Variants in LEPROTL1 observed in about 807,000 individuals in gnomAD.
LEPROTL1 encodes the protein leptin receptor overlapping transcript like 1.
LEPROTL1 carries 6 observed loss-of-function variants against 15.4 expected under a neutral mutation model. That is an observed-to-expected ratio of 0.39 (90% CI 0.21 to 0.77). The LOEUF (loss-of-function observed/expected upper bound fraction) is 0.77. Ranked by LOEUF, LEPROTL1 falls within the 30% of genes least tolerant of loss-of-function variation. The probability of loss-of-function intolerance (pLI) is 0.41; values close to 1 mark genes in which losing one functional copy is unlikely to be tolerated. For missense variants in LEPROTL1, 128 were observed against 158.1 expected (o/e 0.81, Z 1.02); for synonymous variants, 56 against 52.6 (o/e 1.06, Z -0.28).
At chr8:30,103,637 G>A (rs1802506971) in intron 2 of LEPROTL1, among the ~76,000 whole-genome samples, 1 of 151,754 alleles carries the variant, frequency 6.6e-6, no homozygotes, top group African/African-American at 2.4e-5. Context: ...GCTAGTCACG[G>A]GGGCTGAGGC....
At chr8:30,100,922 A>G (rs1015559602) in intron 1 of LEPROTL1, among the ~76,000 whole-genome samples, 51 of 152,066 alleles carry the variant, frequency 3.4e-4, no homozygotes, top group African/African-American at 1.1e-3. Flanking sequence ...GAATGCATCT[A>G]TTGCTTATAA....
At chr8:30,119,284 A>C (rs1226599737) in intron 3 of LEPROTL1, among the ~76,000 whole-genome samples, 2 of 152,188 alleles carry the variant, frequency 1.3e-5, no homozygotes, top group Non-Finnish European at 2.9e-5. Flanking sequence ...ACAGCATCTC[A>C]GGGCAAAGCA....
At chr8:30,103,887 T>A (rs1479146788) in intron 2 of LEPROTL1, among the ~76,000 whole-genome samples, 2 of 152,184 alleles carry the variant, frequency 1.3e-5, no homozygotes, top group Non-Finnish European at 2.9e-5. Flanking sequence ...TTGAAACAAT[T>A]TTAGATTCTG....
chr8:30,122,180 A>T (rs1456215211), intron 3 of LEPROTL1, among the ~76,000 whole-genome samples: 1 of 150,764 alleles, frequency 6.6e-6, no homozygotes, highest in Non-Finnish European at 1.5e-5. Flanking sequence ...AAAAAAAAAA[A>T]ATTAACTTTA....
rs1802568485 is a variant in LEPROTL1 at position 30,106,365 on chromosome 8, T to C, written c.*503T>C. On this transcript the variant is annotated 3_prime_UTR_variant, in exon 4 of 4. Coordinates refer to ENST00000321250, the MANE Select transcript of LEPROTL1 (RefSeq NM_015344.3). ...CAATGTTATGCAGACATACAGACGG[T>C]TGGCATACGTTATAGACTGTATACT... is the stretch of plus-strand genomic sequence containing the variant. 2.0e-6 allele frequency: 2 copies of C among 986,172 alleles called. No homozygotes were observed. Among genetic ancestry groups the C allele is most frequent in the African/African-American group, 1.7e-5 (1 of 57,168 alleles). 61.1% of individuals were successfully genotyped at this position (986,172 alleles called of 1,614,324 possible).
chr8:30,121,156 C>A (rs1344274542), intron 3 of LEPROTL1, among the ~76,000 whole-genome samples: 1 of 152,118 alleles, frequency 6.6e-6, no homozygotes, highest in East Asian at 1.9e-4. Context: ...TACATTTACT[C>A]GATTCTCTTA....
At chr8:30,117,877 CTG>C (rs1165098105) in intron 3 of LEPROTL1, 1 of 592,734 alleles carries the variant, frequency 1.7e-6, no homozygotes, top group Non-Finnish European at 3.0e-6. Context: ...ATTAAATCAA[CTG>C]TGACTGTATT....
intron 3 of LEPROTL1, among the ~76,000 whole-genome samples, chr8:30,120,079 AAAT>A (rs1802806334): frequency 3.5e-5 from 2 of 57,342 alleles, no homozygotes; most frequent in Admixed American, 2.2e-4. Context: ...ATAAATAAAT[AAAT>A]AAATAAATAA....
intron 3 of LEPROTL1, among the ~76,000 whole-genome samples, chr8:30,129,475 T>C (rs1046000532): frequency 2.0e-5 from 3 of 151,872 alleles, no homozygotes; most frequent in Non-Finnish European, 4.4e-5. Context: ...GAGGCCAAGG[T>C]GGATGGATCA....
chr8:30,116,551 A>G (rs1220201399), intron 3 of LEPROTL1, among the ~76,000 whole-genome samples: 2 of 151,900 alleles, frequency 1.3e-5, no homozygotes, highest in African/African-American at 4.8e-5. Flanking sequence ...TCAGGTAGTA[A>G]TGCTCGCTCA....
intron 4 of LEPROTL1, chr8:30,132,591 C>A: frequency 6.4e-7 from 1 of 1,551,774 alleles, no homozygotes; most frequent in Non-Finnish European, 8.7e-7. Flanking sequence ...TGCTCACTGC[C>A]ACGTTTAGGC....
chr8:30,116,966 G>A (rs1802750922), intron 3 of LEPROTL1, among the ~76,000 whole-genome samples: 1 of 152,068 alleles, frequency 6.6e-6, no homozygotes, highest in African/African-American at 2.4e-5. Flanking sequence ...AGGACACCCA[G>A]CTAGTGCTGG....
intron 4 of LEPROTL1, among the ~76,000 whole-genome samples, chr8:30,136,738 T>TTTC (rs1341765778): frequency 6.6e-6 from 1 of 151,864 alleles, no homozygotes; most frequent in African/African-American, 2.4e-5. Context: ...AACTTTTTTT[T>TTTC]TTTTTTTTGA....
exon 4 of LEPROTL1, chr8:30,132,417 G>A: frequency 6.4e-7 from 1 of 1,551,746 alleles, no homozygotes; most frequent in Non-Finnish European, 8.7e-7. Context: ...CCTCTCCAGG[G>A]CTCTGACCAA....
chr8:30,097,684 A>AAT (rs1554482384), intron 1 of LEPROTL1, among the ~76,000 whole-genome samples: 34 of 128,390 alleles, frequency 2.6e-4, no homozygotes, highest in African/African-American at 9.9e-4. Context: ...AAAAAAAAAA[A>AAT]ATATATATAT....
At chr8:30,097,699 A>ACACC (rs1802394934) in intron 1 of LEPROTL1, among the ~76,000 whole-genome samples, 3 of 110,438 alleles carry the variant, frequency 2.7e-5, no homozygotes, top group African/African-American at 4.1e-5. Flanking sequence ...ATATATATAT[A>ACACC]CACACACACA....
At chr8:30,097,722 CACACAT>C (rs1802395990) in intron 1 of LEPROTL1, among the ~76,000 whole-genome samples, 1 of 148,494 alleles carries the variant, frequency 6.7e-6, no homozygotes, top group South Asian at 2.2e-4. Flanking sequence ...CACACACACA[CACACAT>C]ATTTAGTATT....
rs551536791 is a variant in LEPROTL1, at chr8:30,107,873, T to C, written c.*2011T>C. 1.0e-6 allele frequency: 1 copy of C among 985,188 alleles called. No individual in the cohort carries two copies. Among genetic ancestry groups the C allele is most frequent in the South Asian group, 4.7e-5 (1 of 21,286 alleles). 61.0% of individuals were successfully genotyped at this position (985,188 alleles called of 1,614,324 possible). A position where few individuals can be genotyped will look rare whatever the true frequency, so the allele number is the denominator to read the frequency against. On this transcript the variant is annotated 3_prime_UTR_variant, in exon 4 of 4. Coordinates refer to ENST00000321250, the MANE Select transcript of LEPROTL1 (RefSeq NM_015344.3). ...GACTTTTTCTAACAGCTGCGTATTA[T>C]TTCTATATACTAACTGCATTGGCAG...
chr8:30,122,980 G>A (rs994085702), intron 3 of LEPROTL1, among the ~76,000 whole-genome samples: 1 of 152,160 alleles, frequency 6.6e-6, no homozygotes, highest in Non-Finnish European at 1.5e-5. Context: ...TTAACAGTAC[G>A]TGTTTGTCTG....
Sources: allele counts gnomAD v4.1 joint callset (sites outside exome capture counted in the v4.1 genomes callset), GRCh38; gene constraint gnomAD v4.1.1; transcripts MANE v1.5; gene names NCBI Gene and HGNC (gene_info 2026-07-23, HGNC 2026-07-21).